Variants in NRG2 observed in about 807,000 individuals in gnomAD.
NRG2 encodes the protein pro-neuregulin-2, membrane-bound isoform.
NRG2 carries 27 observed loss-of-function variants against 73.9 expected under a neutral mutation model. The ratio of observed to expected loss-of-function variants is 0.37; its 90% CI spans 0.27 to 0.50. The LOEUF (loss-of-function observed/expected upper bound fraction) is 0.50. Among genes scored for constraint, NRG2 ranks in the 20% least tolerant of loss-of-function variants. The pLI, the probability that NRG2 is intolerant of heterozygous loss-of-function variation, is 0.96. For synonymous variants in NRG2, 532 were observed against 541.0 expected, an observed-to-expected ratio of 0.98 and a Z score of 0.23; for missense variants, 1,126 against 1,210.1, an observed-to-expected ratio of 0.93 and a Z score of 1.03.
intron 1 of NRG2, among the ~76,000 whole-genome samples, chr5:139,984,353 T>C (rs986556796): frequency 6.6e-6 from 1 of 152,146 alleles, no homozygotes; most frequent in African/African-American, 2.4e-5. Flanking sequence ...ATGATATAGA[T>C]AAATGGTCAC....
rs545803831 is a variant in NRG2, at chr5:140,001,189, A to G, written c.700+41181T>C. ...TAGCACTTGGCTCATCCAGTCGGGT[A>G]GAGCTTGTTTTCCTTTGTGTCCTCA... On this transcript the variant is annotated intron_variant, in intron 1 of 9. Coordinates refer to ENST00000361474, the MANE Select transcript of NRG2 (RefSeq NM_004883.3). Among the ~76,000 whole-genome samples the G allele has an allele frequency of 2.0e-5, 3 of 152,340 alleles. No homozygotes were observed. The East Asian group carries it at 5.8e-4, about 29-fold the overall frequency.
intron 2 of NRG2, among the ~76,000 whole-genome samples, chr5:139,882,995 C>T (rs1410998321): frequency 6.6e-6 from 1 of 152,046 alleles, no homozygotes; most frequent in Admixed American, 6.5e-5. Context: ...TCATAGAAGC[C>T]GGCCCCAGAG....
intron 1 of NRG2, among the ~76,000 whole-genome samples, chr5:139,923,888 C>T (rs1454030560): frequency 6.6e-6 from 1 of 152,110 alleles, no homozygotes; most frequent in African/African-American, 2.4e-5. Context: ...CAAACAATAC[C>T]AGGTGGGTTG....
chr5:139,863,750 C>T (rs866155141), intron 5 of NRG2, among the ~76,000 whole-genome samples: 6 of 152,196 alleles, frequency 3.9e-5, no homozygotes, highest in Non-Finnish European at 5.9e-5. Context: ...GCAGAGCCTG[C>T]GTTCTAGAGA....
Position 140,042,846 on chromosome 5 carries a change from C to T in NRG2, c.224G>A (p.Ser75Asn). Residue 75 changes from serine to asparagine, a missense_variant, in exon 1 of 10, where the codon AGC (serine) becomes AAC (asparagine). Physicochemically the swap from Ser to Asn is conservative, Grantham distance 46 (BLOSUM62 1). Around this residue, in one of 3 missense-constraint regions of NRG2, gnomAD observed 185 missense variants for 149.0 expected, o/e 1.24. Transcript: ENST00000361474. ...PRPQQQPQPR[S>N]PAARRAAARS... ...GGCGGCGGCTCTCCGGGCTGCGGGGCTGCGGGGCTGCGGCTGTTGCTGCGG... is the reference window on the plus strand; with the variant it reads ...GGCGGCGGCTCTCCGGGCTGCGGGGTTGCGGGGCTGCGGCTGTTGCTGCGG... 1.3e-6 allele frequency: 2 copies of T among 1,493,506 alleles called. No individual in the cohort carries two copies. The highest frequency in any genetic ancestry group is 1.8e-6 in the Non-Finnish European group (2 of 1,125,486). The allele number at this position is 1,493,506 out of a possible 1,614,324, so 92.5% of individuals were successfully genotyped here.
rs780587282 is a variant in NRG2 at position 140,042,826 on chromosome 5, C to G, written c.244G>C (p.Ala82Pro). The change falls in exon 1 of 10, where the codon GCC becomes CCC. Residue 82 changes from alanine (A) to proline (P), a missense_variant. Physicochemically the swap from Ala to Pro is conservative, Grantham distance 27 (BLOSUM62 -1). Transcript: ENST00000361474. ...QPRSPAARRA[A>P]ARSRAAAAGG... ...GCGGCTGCGGCTCGCGAACGGGCGG[C>G]GGCTCTCCGGGCTGCGGGGCTGCGG... 4.7e-6 allele frequency: 7 copies of G among 1,489,632 alleles called. No individual in the cohort carries two copies. The South Asian group carries it at 5.2e-5, about 11-fold the overall frequency. 92.3% of individuals were successfully genotyped at this position (1,489,632 alleles called of 1,614,324 possible).
rs1762743071 is a variant in NRG2, at chr5:139,870,113, C to T, written c.1112+1608G>A. On this transcript the variant is annotated intron_variant, in intron 4 of 9. Coordinates refer to ENST00000361474, the MANE Select transcript of NRG2 (RefSeq NM_004883.3). The surrounding 1 kb of genome is among the most constrained non-coding windows in gnomAD (Gnocchi z 4.4). The stretch of plus-strand genomic sequence containing the variant: ...AATGGGGATGCAGGGCTGGGTCATC[C>T]CTGTGAGGTATTCCAGGACCCTGAT... 6.6e-6 allele frequency among the ~76,000 whole-genome samples: 1 copy of T among 152,128 alleles called. No homozygotes were observed. Among genetic ancestry groups the T allele is most frequent in the African/African-American group, 2.4e-5 (1 of 41,410 alleles).
At chr5:139,949,022 AG>A (rs1302655289) in intron 1 of NRG2, among the ~76,000 whole-genome samples, 3 of 152,194 alleles carry the variant, frequency 2.0e-5, no homozygotes, top group Non-Finnish European at 4.4e-5. Flanking sequence ...AGTGACCCTG[AG>A]GCTTCAATTC....
chr5:139,962,081 A>T (rs893000640), intron 1 of NRG2, among the ~76,000 whole-genome samples: 3 of 151,908 alleles, frequency 2.0e-5, no homozygotes, highest in Admixed American at 6.6e-5. Context: ...TGCCTCTTCT[A>T]CTCTATCTGT....
intron 1 of NRG2, among the ~76,000 whole-genome samples, chr5:140,007,395 A>G (rs1758994816): frequency 6.6e-6 from 1 of 151,986 alleles, no homozygotes; most frequent in African/African-American, 2.4e-5. Context: ...TCAGCTTCCA[A>G]TTGGAGAAAA....
At chr5:139,928,654 C>T (rs1752242077) in intron 1 of NRG2, among the ~76,000 whole-genome samples, 1 of 152,198 alleles carries the variant, frequency 6.6e-6, no homozygotes, top group Non-Finnish European at 1.5e-5. Context: ...CTGGTCTTTC[C>T]TGATGGTCAA....
intron 1 of NRG2, among the ~76,000 whole-genome samples, chr5:140,002,469 A>G (rs1758564099): frequency 6.6e-6 from 1 of 152,362 alleles, no homozygotes; most frequent in Non-Finnish European, 1.5e-5. Flanking sequence ...AATGAGCCAC[A>G]CGGATTTTTA....
At chr5:139,878,429 CCTGT>C (rs1001513281) in intron 3 of NRG2, among the ~76,000 whole-genome samples, 1 of 151,854 alleles carries the variant, frequency 6.6e-6, no homozygotes, top group African/African-American at 2.4e-5. Context: ...TAGATCTGGA[CCTGT>C]CTGAGACCAT....
intron 1 of NRG2, among the ~76,000 whole-genome samples, chr5:139,994,900 T>A (rs1298366635): frequency 6.6e-6 from 1 of 152,136 alleles, no homozygotes; most frequent in Non-Finnish European, 1.5e-5. Context: ...TTGGCTCTGA[T>A]GAACTACAAG....
At chr5:139,896,437 C>T (rs1764546219) in intron 1 of NRG2, among the ~76,000 whole-genome samples, 2 of 152,112 alleles carry the variant, frequency 1.3e-5, no homozygotes, top group Non-Finnish European at 2.9e-5. Context: ...AATTCAACTG[C>T]AAGCATGAAA....
intron 1 of NRG2, among the ~76,000 whole-genome samples, chr5:140,026,027 T>A (rs1182747472): frequency 6.6e-6 from 1 of 152,006 alleles, no homozygotes; most frequent in Non-Finnish European, 1.5e-5. Context: ...AGAAGTGGAA[T>A]CTCAGCTAAG....
intron 4 of NRG2, among the ~76,000 whole-genome samples, chr5:139,871,499 G>A (rs1389856932): frequency 1.3e-5 from 2 of 152,108 alleles, no homozygotes; most frequent in Non-Finnish European, 2.9e-5. Context: ...GGGTGGGTAG[G>A]GGCCTGGGAA....
At chr5:140,016,655 C>A (rs932623494) in intron 1 of NRG2, among the ~76,000 whole-genome samples, 1 of 152,224 alleles carries the variant, frequency 6.6e-6, no homozygotes, top group African/African-American at 2.4e-5. Flanking sequence ...GTGATAGTGG[C>A]ACTATGTGAA....
intron 6 of NRG2, among the ~76,000 whole-genome samples, chr5:139,855,271 C>T (rs1447499929): frequency 1.3e-5 from 2 of 152,206 alleles, no homozygotes; most frequent in Non-Finnish European, 2.9e-5. Context: ...GGCACCTGCT[C>T]CAGGAGCCTG....
Sources: allele counts gnomAD v4.1 joint callset (sites outside exome capture counted in the v4.1 genomes callset), GRCh38; gene constraint gnomAD v4.1.1; regional missense constraint gnomAD v4.1.1; non-coding constraint Gnocchi (gnomAD v3.1); transcripts MANE v1.5; gene names NCBI Gene and HGNC (gene_info 2026-07-23, HGNC 2026-07-21).